The following CSMD1 variants were observed in gnomAD, a reference collection of about 807,000 sequenced individuals.
The protein encoded by CSMD1 is CUB and Sushi multiple domains 1.
CSMD1 carries 213 observed loss-of-function variants against 417.5 expected under a neutral mutation model. The observed-to-expected ratio is 0.51, with a 90% confidence interval of 0.46 to 0.57. CSMD1 has a LOEUF of 0.57. Among genes scored for constraint, CSMD1 ranks in the 20% least tolerant of loss-of-function variants. The probability of loss-of-function intolerance (pLI) is 0.00; values close to 1 mark genes in which losing one functional copy is unlikely to be tolerated. For missense variants in CSMD1, 6,923 were observed against 4,529.7 expected, an observed-to-expected ratio of 1.53 and a Z score of -15.17; for synonymous variants, 2,862 against 1,736.8, an observed-to-expected ratio of 1.65 and a Z score of -16.11.
chr8:3,850,505 G>C (rs1272840732), intron 5 of CSMD1, among the ~76,000 whole-genome samples: 1 of 152,058 alleles, frequency 6.6e-6, no homozygotes, highest in Non-Finnish European at 1.5e-5. Flanking sequence ...GACCGGCTTG[G>C]CCAACATGGC....
chr8:4,610,563 T>A (rs1431805633), intron 2 of CSMD1, among the ~76,000 whole-genome samples: 2 of 152,210 alleles, frequency 1.3e-5, no homozygotes, highest in African/African-American at 4.8e-5. Flanking sequence ...TGCCGTTTTG[T>A]CATACATATC....
chr8:3,646,544 T>A (rs1260399007), intron 7 of CSMD1, among the ~76,000 whole-genome samples: 1 of 152,148 alleles, frequency 6.6e-6, no homozygotes, highest in African/African-American at 2.4e-5. Context: ...GAAAGGACCA[T>A]TTCACAATGC....
At chr8:4,569,638 G>C (rs900311965) in intron 2 of CSMD1, among the ~76,000 whole-genome samples, 5 of 152,018 alleles carry the variant, frequency 3.3e-5, no homozygotes, top group African/African-American at 1.2e-4. Flanking sequence ...CTCTTTTTTG[G>C]TTCCACATGA....
chr8:4,784,065 G>C (rs1448751800), intron 1 of CSMD1, among the ~76,000 whole-genome samples: 4 of 152,202 alleles, frequency 2.6e-5, no homozygotes, highest in Non-Finnish European at 5.9e-5. Context: ...ACATATTTTT[G>C]AGGGATTGTC....
At chr8:3,672,203 T>C (rs968451461) in intron 7 of CSMD1, among the ~76,000 whole-genome samples, 1 of 152,208 alleles carries the variant, frequency 6.6e-6, no homozygotes, top group African/African-American at 2.4e-5. Flanking sequence ...TGAAATTGAC[T>C]GAGTATGGCC....
intron 3 of CSMD1, among the ~76,000 whole-genome samples, chr8:4,070,473 T>C (rs866335357): frequency 2.0e-5 from 3 of 152,278 alleles, no homozygotes; most frequent in African/African-American, 2.4e-5. Flanking sequence ...TTCTCCCACC[T>C]CAGCCTCCCG....
At chr8:4,199,070 GAGGTA>G (rs1348156919) in intron 3 of CSMD1, among the ~76,000 whole-genome samples, 3 of 151,892 alleles carry the variant, frequency 2.0e-5, no homozygotes, top group Non-Finnish European at 2.9e-5. Flanking sequence ...CAAAACCCCT[GAGGTA>G]GTAGAGCCAG....
At chr8:4,896,841 C>G (rs758872153) in intron 1 of CSMD1, among the ~76,000 whole-genome samples, 6 of 151,860 alleles carry the variant, frequency 4.0e-5, no homozygotes, top group African/African-American at 1.5e-4. Context: ...GCCGGAGCCA[C>G]GGAGGGTTGC....
intron 23 of CSMD1, among the ~76,000 whole-genome samples, chr8:3,331,104 G>A (rs940386713): frequency 1.3e-5 from 2 of 152,102 alleles, no homozygotes; most frequent in Non-Finnish European, 1.5e-5. Context: ...CTGGCGTGGT[G>A]GCGGGTGCCT....
chr8:3,486,085 C>G (rs1818015272), intron 11 of CSMD1, among the ~76,000 whole-genome samples: 3 of 152,116 alleles, frequency 2.0e-5, no homozygotes, highest in African/African-American at 2.4e-5. Flanking sequence ...TGTCAAGAAA[C>G]AATACTGGTG....
chr8:3,971,448 T>C (rs989042440), intron 5 of CSMD1, among the ~76,000 whole-genome samples: 5 of 152,176 alleles, frequency 3.3e-5, no homozygotes, highest in Admixed American at 1.3e-4. Flanking sequence ...AGCTTTGGGA[T>C]TCGACTAATG....
intron 3 of CSMD1, among the ~76,000 whole-genome samples, chr8:4,207,090 T>G (rs1407691214): frequency 6.6e-6 from 1 of 152,142 alleles, no homozygotes; most frequent in African/African-American, 2.4e-5. Flanking sequence ...GCCAGAAAAT[T>G]AAAGTGTTTT....
In CSMD1 at chr8:3,880,376, T is replaced by C. The variant is rs373993705; in HGVS notation, c.818+117527A>G. Among the ~76,000 whole-genome samples the C allele has an allele frequency of 2.4e-4, 36 of 152,322 alleles. No homozygotes were observed. The South Asian group carries it at 5.4e-3, about 23-fold the overall frequency. ...AATTGACAGTAAACAATATGCCAAATTGCCATATAAATGAACTGCCTCATG... is the reference window on the plus strand; with the variant it reads ...AATTGACAGTAAACAATATGCCAAACTGCCATATAAATGAACTGCCTCATG... On this transcript the variant is annotated intron_variant, in intron 5 of 69. Transcript: ENST00000635120.
chr8:4,441,187 C>T lies in CSMD1; in HGVS notation c.303-21122G>A, dbSNP rs1175369339. Reference sequence around the variant, plus strand: ...AACCTTGGTTCACTGCAGTCTCAAACTCCTGGGATCAAGCAATCCTCGCAC... The same window carrying T: ...AACCTTGGTTCACTGCAGTCTCAAATTCCTGGGATCAAGCAATCCTCGCAC... On this transcript the variant is annotated intron_variant, in intron 2 of 69. Transcript: ENST00000635120. Among the ~76,000 whole-genome samples the T allele has an allele frequency of 2.4e-5, 3 of 127,482 alleles. No individual in the cohort carries two copies. The Admixed American group carries it at 3.0e-4, about 13-fold the overall frequency. 83.6% of individuals were successfully genotyped at this position (127,482 alleles called of 152,430 possible).
chr8:3,952,750 T>A (rs973169413), intron 5 of CSMD1, among the ~76,000 whole-genome samples: 15 of 152,208 alleles, frequency 9.9e-5, no homozygotes. Flanking sequence ...TATTGTATGT[T>A]ATGTTTATTT....
At chr8:4,842,364 A>G (rs1800894798) in intron 1 of CSMD1, among the ~76,000 whole-genome samples, 1 of 152,192 alleles carries the variant, frequency 6.6e-6, no homozygotes, top group South Asian at 2.1e-4. Flanking sequence ...CTTAAATTAA[A>G]ACTTCTTCTT....
chr8:4,433,155 C>A (rs1203496041), intron 2 of CSMD1, among the ~76,000 whole-genome samples: 2 of 152,176 alleles, frequency 1.3e-5, no homozygotes, highest in Non-Finnish European at 2.9e-5. Context: ...TCAGAGCTCC[C>A]ACTGATTCTG....
At chr8:3,499,979 G>A (rs1055951786) in intron 10 of CSMD1, among the ~76,000 whole-genome samples, 2 of 152,044 alleles carry the variant, frequency 1.3e-5, no homozygotes, top group African/African-American at 4.8e-5. Flanking sequence ...CCTACCCTTG[G>A]CTCAGGGCCT....
chr8:3,800,669 T>G (rs143701537), intron 5 of CSMD1, among the ~76,000 whole-genome samples: 7 of 152,266 alleles, frequency 4.6e-5, no homozygotes, highest in African/African-American at 1.4e-4. Context: ...AACGGCTTGG[T>G]GATATTCTCG....
Sources: allele counts gnomAD v4.1 joint callset (sites outside exome capture counted in the v4.1 genomes callset), GRCh38; gene constraint gnomAD v4.1.1; transcripts MANE v1.5; gene names NCBI Gene and HGNC (gene_info 2026-07-23, HGNC 2026-07-21).